TRMT11: variants seen among roughly 807,000 people sequenced by gnomAD.
TRMT11 encodes the protein tRNA methyltransferase 11.
In TRMT11, 53 loss-of-function variants were observed where a neutral mutation model predicts 62.8. The observed-to-expected ratio is 0.84, with a 90% CI of 0.68 to 1.06. The LOEUF is 1.06. Ranked by LOEUF, TRMT11 falls within the 50% of genes least tolerant of loss-of-function variation. The pLI, the probability that TRMT11 is intolerant of heterozygous loss-of-function variation, is 0.00. For synonymous variants in TRMT11, 188 were observed against 190.3 expected (o/e 0.99, Z 0.10); for missense variants, 556 against 553.4 (o/e 1.00, Z -0.05).
chr6:126,064,515 T>C (rs961074183), intron 17 of TRMT11, among the ~76,000 whole-genome samples: 1 of 152,114 alleles, frequency 6.6e-6, no homozygotes, highest in South Asian at 2.1e-4. Context: ...TGACTTGCAT[T>C]CTGAACTGGA....
chr6:126,011,315 C>T lies in TRMT11; in HGVS notation c.823C>T (p.Arg275Cys), dbSNP rs774012988. Reference sequence around the variant, plus strand: ...AGATGAAAACATTAGGGCCAATCTTCGTCAATATGGTTTAGAGAAGTATTA... The same window carrying T: ...AGATGAAAACATTAGGGCCAATCTTTGTCAATATGGTTTAGAGAAGTATTA... ...GPDENIRANL[R>C]QYGLEKYYLD... The change falls in exon 9 of 13, where the codon CGT becomes TGT. Residue 275 changes from arginine to cysteine, a missense_variant. Transcript: ENST00000334379. 21 of 1,613,234 alleles carry T rather than the reference C, an allele frequency of 1.3e-5. No homozygotes were observed. In the Admixed American group the frequency reaches 1.3e-4, roughly 10 times the overall value.
Position 126,020,706 on chromosome 6 carries a change from T to G in TRMT11, c.1140-454T>G, listed in dbSNP as rs10457473. 3.1e-3 allele frequency among the ~76,000 whole-genome samples: 469 copies of G among 152,384 alleles called. 1 individual carries two copies. The highest frequency in any genetic ancestry group is 5.4e-3 in the Non-Finnish European group (368 of 68,042). On this transcript the variant is annotated intron_variant, in intron 11 of 12. Coordinates refer to ENST00000334379, the MANE Select transcript of TRMT11 (RefSeq NM_001031712.3). The stretch of plus-strand genomic sequence containing the variant: ...ACGTTTAAATTTTAACAAGACGTTA[T>G]TAAAATTTTACGGGCACTTCATTTT...
At chr6:126,098,863 A>AT (rs992985800) in intron 17 of TRMT11, among the ~76,000 whole-genome samples, 7 of 151,980 alleles carry the variant, frequency 4.6e-5, no homozygotes, top group East Asian at 3.9e-4. Flanking sequence ...CACAAAGGGG[A>AT]TTTTTTTTAA....
chr6:126,240,022 T>C, the TRMT11 span, among the ~76,000 whole-genome samples: 1 of 152,208 alleles, frequency 6.6e-6, no homozygotes, highest in African/African-American at 2.4e-5. Context: ...CTTGTGCATT[T>C]GTCACGTAGT....
intron 21 of TRMT11, among the ~76,000 whole-genome samples, chr6:126,164,810 T>G (rs1232424611): frequency 6.6e-6 from 1 of 152,206 alleles, no homozygotes; most frequent in Non-Finnish European, 1.5e-5. Flanking sequence ...CCCCTGCTTT[T>G]TTTTGCGTTC....
At chr6:126,034,290 G>T (rs1192044089) in intron 12 of TRMT11, among the ~76,000 whole-genome samples, 2 of 152,070 alleles carry the variant, frequency 1.3e-5, no homozygotes, top group African/African-American at 4.8e-5. Flanking sequence ...ATACTTTTCT[G>T]CAAAAAGATA....
intron 18 of TRMT11, among the ~76,000 whole-genome samples, chr6:126,114,046 CAA>C (rs1329538163): frequency 6.6e-6 from 1 of 151,952 alleles, no homozygotes; most frequent in Admixed American, 6.6e-5. Flanking sequence ...CTAGCACATT[CAA>C]AAATATTTTA....
chr6:126,014,517 G>T (rs1794703621), intron 11 of TRMT11, among the ~76,000 whole-genome samples: 1 of 152,150 alleles, frequency 6.6e-6, no homozygotes, highest in African/African-American at 2.4e-5. Context: ...CCAAAGTGTT[G>T]GGATTATAGG....
chr6:126,127,401 A>G (rs1028979394), intron 21 of TRMT11, among the ~76,000 whole-genome samples: 3 of 152,112 alleles, frequency 2.0e-5, no homozygotes, highest in Admixed American at 6.6e-5. Context: ...AAGTTGACTC[A>G]ATGGGTAGAA....
chr6:126,263,840 A>C, the TRMT11 span, among the ~76,000 whole-genome samples: 1 of 152,198 alleles, frequency 6.6e-6, no homozygotes, highest in Non-Finnish European at 1.5e-5. Flanking sequence ...ACTTTGATTA[A>C]ATTTGGAGGA....
chr6:126,154,234 A>T (rs370819818), intron 21 of TRMT11, among the ~76,000 whole-genome samples: 2 of 152,166 alleles, frequency 1.3e-5, no homozygotes, highest in African/African-American at 4.8e-5. Flanking sequence ...ACCTTGTGAG[A>T]TTTAAATTTT....
the TRMT11 span, among the ~76,000 whole-genome samples, chr6:126,221,781 T>C: frequency 6.6e-6 from 1 of 152,214 alleles, no homozygotes; most frequent in African/African-American, 2.4e-5. Flanking sequence ...TCTGTTAGTT[T>C]CTTTTGCTGC....
chr6:126,113,705 A>G (rs1488644992), intron 18 of TRMT11, among the ~76,000 whole-genome samples: 1 of 152,104 alleles, frequency 6.6e-6, no homozygotes, highest in Non-Finnish European at 1.5e-5. Context: ...TTTCAATTTT[A>G]TCCATCTGCT....
intron 1 of TRMT11, among the ~76,000 whole-genome samples, chr6:126,180,804 A>G (rs1778453519): frequency 1.3e-5 from 2 of 152,328 alleles, no homozygotes; most frequent in South Asian, 4.1e-4. Context: ...TCTGACTGCT[A>G]AAGTTCTGTC....
At chr6:126,166,543 G>A (rs1258722801) in intron 21 of TRMT11, among the ~76,000 whole-genome samples, 3 of 152,138 alleles carry the variant, frequency 2.0e-5, no homozygotes, top group South Asian at 2.1e-4. Flanking sequence ...GATGCCAGCC[G>A]GAGCTCTCCT....
At chr6:126,206,922 C>T (rs185361926), downstream of TRMT11, among the ~76,000 whole-genome samples, 694 of 152,278 alleles carry the variant, frequency 4.6e-3, 7 homozygotes, top group African/African-American at 0.015. Flanking sequence ...AAAGCAGTAT[C>T]TTTTAGCCAA....
chr6:126,261,848 C>T, the TRMT11 span, among the ~76,000 whole-genome samples: 21 of 152,264 alleles, frequency 1.4e-4, no homozygotes, highest in Admixed American at 1.3e-4. Flanking sequence ...CTCTGTCAGG[C>T]TTTCCAGGGA....
At chr6:126,249,160 G>A in the TRMT11 span, among the ~76,000 whole-genome samples, 27 of 152,156 alleles carry the variant, frequency 1.8e-4, no homozygotes, top group African/African-American at 6.0e-4. Flanking sequence ...GGTCTAGAAT[G>A]CAAATTAGAA....
intron 21 of TRMT11, among the ~76,000 whole-genome samples, chr6:126,159,264 A>G (rs1270355645): frequency 6.6e-6 from 1 of 152,124 alleles, no homozygotes; most frequent in African/African-American, 2.4e-5. Flanking sequence ...GGCTAGATCC[A>G]AATGGTGATG....
Sources: allele counts gnomAD v4.1 joint callset (sites outside exome capture counted in the v4.1 genomes callset), GRCh38; gene constraint gnomAD v4.1.1; transcripts MANE v1.5; gene names NCBI Gene and HGNC (gene_info 2026-07-23, HGNC 2026-07-21).